TBC1D30: variants seen among roughly 807,000 people sequenced by gnomAD.
TBC1D30 encodes TBC1 domain family, member 30.
A neutral mutation model predicts 63.2 loss-of-function variants in TBC1D30; 31 were observed. The observed-to-expected ratio is 0.49, with a 90% CI of 0.37 to 0.66. The LOEUF is 0.66. Among genes scored for constraint, TBC1D30 ranks in the 30% least tolerant of loss-of-function variants. TBC1D30 has a pLI of 0.00. For missense variants in TBC1D30, 810 were observed against 953.6 expected, an observed-to-expected ratio of 0.85 and a Z score of 1.98; for synonymous variants, 307 against 361.5, an observed-to-expected ratio of 0.85 and a Z score of 1.71.
intron 4 of TBC1D30, among the ~76,000 whole-genome samples, chr12:64,830,910 A>G (rs1438961055): frequency 6.6e-6 from 1 of 152,176 alleles, no homozygotes; most frequent in African/African-American, 2.4e-5. Context: ...CCAATTTCTA[A>G]AGACAGGTTC....
intron 1 of TBC1D30, among the ~76,000 whole-genome samples, chr12:64,772,679 C>G (rs746249287): frequency 6.6e-6 from 1 of 152,072 alleles, no homozygotes; most frequent in Non-Finnish European, 1.5e-5. Context: ...CCACCTGCCT[C>G]GGCCTCCTAA....
rs183368516 is a variant in TBC1D30, at chr12:64,875,844, C to G, written c.*56C>G. 598 of 1,434,820 alleles carry G rather than the reference C, an allele frequency of 4.2e-4. No homozygotes were observed. The highest frequency in any genetic ancestry group is 5.2e-4 in the Non-Finnish European group (566 of 1,090,084). 88.9% of individuals were successfully genotyped at this position (1,434,820 alleles called of 1,614,324 possible). A position where few individuals can be genotyped will look rare whatever the true frequency, so the allele number is the denominator to read the frequency against. ...CCTTTTCACAGTAGTATAAGGGTTGCAGCTGAATGGCTCTAAAAGAGTTTT... is the reference window on the plus strand; with the variant it reads ...CCTTTTCACAGTAGTATAAGGGTTGGAGCTGAATGGCTCTAAAAGAGTTTT... On this transcript the variant is annotated 3_prime_UTR_variant, in exon 12 of 12. Coordinates refer to ENST00000539867, the MANE Select transcript of TBC1D30 (RefSeq NM_015279.2).
intron 2 of TBC1D30, among the ~76,000 whole-genome samples, chr12:64,809,265 C>G (rs933667879): frequency 6.7e-6 from 1 of 150,150 alleles, no homozygotes; most frequent in African/African-American, 2.5e-5. Flanking sequence ...ATTCTTCCCC[C>G]CAAGTCCCCA....
At chr12:64,817,371 C>G (rs1873606148) in intron 2 of TBC1D30, among the ~76,000 whole-genome samples, 2 of 152,194 alleles carry the variant, frequency 1.3e-5, no homozygotes, top group Admixed American at 6.5e-5. Context: ...GAAACTGAAA[C>G]CCAGACATTA....
At chr12:64,775,119 A>G (rs1440831650) in intron 1 of TBC1D30, among the ~76,000 whole-genome samples, 1 of 148,958 alleles carries the variant, frequency 6.7e-6, no homozygotes, top group Admixed American at 6.6e-5. Flanking sequence ...ATATATATAG[A>G]TATAGATATA....
intron 8 of TBC1D30, among the ~76,000 whole-genome samples, chr12:64,848,577 G>A (rs543911487): frequency 9.2e-5 from 14 of 152,010 alleles, no homozygotes; most frequent in Middle Eastern, 3.2e-3. Flanking sequence ...TTCCAGCTTC[G>A]TCCATGTCCC....
intron 2 of TBC1D30, among the ~76,000 whole-genome samples, chr12:64,798,048 C>T (rs1872382902): frequency 6.6e-6 from 1 of 152,138 alleles, no homozygotes; most frequent in Non-Finnish European, 1.5e-5. Context: ...ATAGTATTGG[C>T]CCTACTTACC....
At chr12:64,810,415 C>T (rs771526048) in intron 2 of TBC1D30, among the ~76,000 whole-genome samples, 1 of 152,130 alleles carries the variant, frequency 6.6e-6, no homozygotes, top group Non-Finnish European at 1.5e-5. Context: ...CCAGCCTGGC[C>T]AACATGGCAA....
At chr12:64,860,175 G>A (rs1278812144) in intron 8 of TBC1D30, among the ~76,000 whole-genome samples, 1 of 151,952 alleles carries the variant, frequency 6.6e-6, no homozygotes, top group Non-Finnish European at 1.5e-5. Context: ...GTGCCACCAG[G>A]CTGGGCTAAT....
chr12:64,805,568 C>T (rs1022140584), intron 2 of TBC1D30, among the ~76,000 whole-genome samples: 2 of 152,102 alleles, frequency 1.3e-5, no homozygotes, highest in African/African-American at 4.8e-5. Flanking sequence ...TGTGGTGGCT[C>T]ATGCCTGTAA....
At chr12:64,788,637 G>A (rs984200237) in intron 2 of TBC1D30, among the ~76,000 whole-genome samples, 2 of 152,230 alleles carry the variant, frequency 1.3e-5, no homozygotes, top group Admixed American at 1.3e-4. Flanking sequence ...GTGCCCACAA[G>A]CGCTCACCGT....
chr12:64,826,669 C>G (rs1421463190), intron 1 of TBC1D30, among the ~76,000 whole-genome samples: 1 of 151,952 alleles, frequency 6.6e-6, no homozygotes, highest in Non-Finnish European at 1.5e-5. Context: ...ACTTAATATT[C>G]CTTCGGAGAA....
chr12:64,824,124 C>G (rs989824238), upstream of TBC1D30, among the ~76,000 whole-genome samples: 6 of 149,824 alleles, frequency 4.0e-5, no homozygotes, highest in Admixed American at 1.3e-4. Flanking sequence ...CTACTGAAGT[C>G]TGGCTGGAGA....
intron 11 of TBC1D30, 53 bp from the exon 12 acceptor site, chr12:64,874,948 T>C: frequency 5.4e-6 from 8 of 1,469,056 alleles, no homozygotes; most frequent in Middle Eastern, 1.9e-4. Context: ...TGTTCCAAGA[T>C]GGATGTGTTT....
intron 2 of TBC1D30, among the ~76,000 whole-genome samples, chr12:64,802,734 A>G (rs1872653206): frequency 6.6e-6 from 1 of 152,078 alleles, no homozygotes; most frequent in Non-Finnish European, 1.5e-5. Context: ...CCTATGATTA[A>G]GAACATGTGG....
intron 8 of TBC1D30, among the ~76,000 whole-genome samples, chr12:64,864,364 T>G (rs1002485615): frequency 2.6e-5 from 4 of 152,248 alleles, no homozygotes; most frequent in Non-Finnish European, 5.9e-5. Flanking sequence ...TGTGGATTTC[T>G]GCATTAATCC....
intron 2 of TBC1D30, among the ~76,000 whole-genome samples, chr12:64,804,868 C>T (rs1022014782): frequency 1.2e-4 from 18 of 152,064 alleles, no homozygotes; most frequent in African/African-American, 2.9e-4. Flanking sequence ...GGTTTGTAGT[C>T]GTCAGGTGTT....
At chr12:64,810,838 T>G (rs1016417597) in intron 2 of TBC1D30, among the ~76,000 whole-genome samples, 13 of 152,222 alleles carry the variant, frequency 8.5e-5, no homozygotes, top group African/African-American at 3.1e-4. Context: ...ACTAATCTGT[T>G]CTGTTGCTCA....
chr12:64,776,207 T>C (rs972873310), upstream of TBC1D30, among the ~76,000 whole-genome samples: 2 of 151,890 alleles, frequency 1.3e-5, no homozygotes, highest in Non-Finnish European at 2.9e-5. Context: ...CTAAAACAAA[T>C]AGAGAAGCAA....
Sources: gnomAD v4.1 joint callset for allele counts (sites outside exome capture counted in the v4.1 genomes callset) on GRCh38, gnomAD v4.1.1 for gene constraint, MANE v1.5 for transcripts, NCBI Gene and HGNC (gene_info 2026-07-23, HGNC 2026-07-21) for gene names.